Variants in ZNF521 observed in about 807,000 individuals in gnomAD.
ZNF521 encodes LYST-interacting protein 3.
Under a neutral mutation model 105.5 loss-of-function variants are expected in ZNF521, and 14 were observed. That is an observed-to-expected ratio of 0.13 (90% CI 0.09 to 0.21). The LOEUF is 0.21. Among genes scored for constraint, ZNF521 ranks in the 10% least tolerant of loss-of-function variants. The pLI, the probability that ZNF521 is intolerant of heterozygous loss-of-function variation, is 1.00. For synonymous variants in ZNF521, 635 were observed against 606.0 expected (o/e 1.05, Z -0.70); for missense variants, 1,233 against 1,629.7 (o/e 0.76, Z 4.19).
chr18:25,315,904 C>G (rs1400140047), intron 3 of ZNF521: 25 of 152,182 alleles, frequency 1.6e-4, no homozygotes, highest in Admixed American at 1.6e-3. Flanking sequence ...CAGAACTACC[C>G]TGAGTAACCC....
At chr18:25,082,068 A>G (rs747953066) in intron 7 of ZNF521, among the ~76,000 whole-genome samples, 1 of 152,218 alleles carries the variant, frequency 6.6e-6, no homozygotes, top group Non-Finnish European at 1.5e-5. Flanking sequence ...CGATCAAATA[A>G]AAGAGATAGA....
intron 3 of ZNF521, among the ~76,000 whole-genome samples, chr18:25,262,164 A>G (rs1257988815): frequency 6.6e-6 from 1 of 152,104 alleles, no homozygotes; most frequent in East Asian, 1.9e-4. Flanking sequence ...CACTCATACC[A>G]TGGGAGTCTT....
rs965166188 is a variant in ZNF521 at position 25,351,941 on chromosome 18, G to A, written c.-2+64C>T. The stretch of plus-strand genomic sequence containing the variant: ...GGCGGCGAGAGCAGGAGGAGGAGGA[G>A]GAGGAGAGCCGGGAGCAGGAGGAGG... On this transcript the variant is annotated intron_variant, in intron 1 of 7. Coordinates refer to ENST00000361524, the MANE Select transcript of ZNF521 (RefSeq NM_015461.3). 11 of 311,762 alleles carry A rather than the reference G, an allele frequency of 3.5e-5. No homozygotes were observed. The East Asian group carries it at 1.4e-3, about 40-fold the overall frequency. The allele number at this position is 311,762 out of a possible 1,614,324, so 19.3% of individuals were successfully genotyped here.
intron 5 of ZNF521, among the ~76,000 whole-genome samples, chr18:25,116,958 T>C (rs968308246): frequency 5.6e-5 from 6 of 108,098 alleles, no homozygotes; most frequent in Non-Finnish European, 9.1e-5. Flanking sequence ...TATATATGTA[T>C]ATATGTATAT....
In ZNF521 at chr18:25,207,396, C is replaced by A. The variant is rs141465759; in HGVS notation, c.3574-12152G>T. ...ATGCTTGCAACTCATCGGGGCTCCT[C>A]GGGGCACAGGACTCCAGGACCGACT... On this transcript the variant is annotated intron_variant, in intron 4 of 7. Transcript: ENST00000361524. Among the ~76,000 whole-genome samples, 156 of 152,256 alleles carry A rather than the reference C, an allele frequency of 1.0e-3. 1 individual carries two copies. Among genetic ancestry groups the A allele is most frequent in the African/African-American group, 3.7e-3 (152 of 41,558 alleles).
intron 5 of ZNF521, among the ~76,000 whole-genome samples, chr18:25,138,155 T>G (rs140531945): frequency 6.6e-6 from 1 of 152,190 alleles, no homozygotes; most frequent in Non-Finnish European, 1.5e-5. Context: ...CATACTCTGG[T>G]CCAGTTCCAG....
At position 25,225,458 on chromosome 18, in the gene ZNF521, C is replaced by T. The variant is rs199692978; in HGVS notation, c.2460G>A (p.Ala820=). 1.4e-4 allele frequency: 225 copies of T among 1,614,050 alleles called. No individual in the cohort carries two copies. Among genetic ancestry groups the T allele is most frequent in the Non-Finnish European group, 1.7e-4 (204 of 1,180,038 alleles). ...NCKFCSKAFH[A]IILLEKHLRE... Reference sequence around the variant, plus strand: ...GCAAGTGTTTTTCTAACAAAATGATCGCATGGAAGGCTTTGCTACAGAACT... The same window carrying T: ...GCAAGTGTTTTTCTAACAAAATGATTGCATGGAAGGCTTTGCTACAGAACT... The change falls in exon 4 of 8, where the codon GCG becomes GCA. Residue 820 remains alanine, a synonymous_variant. Transcript: ENST00000361524. This position sits in a 1 kb window ranked among gnomAD's most constrained non-coding sequence, Gnocchi z 5.6.
chr18:25,117,435 T>C (rs1438375602), intron 5 of ZNF521, among the ~76,000 whole-genome samples: 1 of 152,148 alleles, frequency 6.6e-6, no homozygotes, highest in Non-Finnish European at 1.5e-5. Context: ...CAATGTGACC[T>C]ATTTTTAACA....
intron 5 of ZNF521, among the ~76,000 whole-genome samples, chr18:25,158,314 G>T (rs912430040): frequency 1.3e-5 from 2 of 151,794 alleles, no homozygotes; most frequent in Admixed American, 6.6e-5. Flanking sequence ...TTTTTAAAAG[G>T]CTGAAGAAAG....
At chr18:25,303,938 T>G (rs1358786007) in intron 3 of ZNF521, among the ~76,000 whole-genome samples, 2 of 152,220 alleles carry the variant, frequency 1.3e-5, no homozygotes, top group Non-Finnish European at 2.9e-5. Flanking sequence ...ATCTTCTCAT[T>G]TTATAATGAA....
At chr18:25,170,628 G>A (rs895216440) in intron 5 of ZNF521, among the ~76,000 whole-genome samples, 1 of 152,042 alleles carries the variant, frequency 6.6e-6, no homozygotes, top group Non-Finnish European at 1.5e-5. Flanking sequence ...ATGACACTTA[G>A]TTGATTAATG....
At chr18:25,079,671 G>T (rs1019411536) in intron 7 of ZNF521, among the ~76,000 whole-genome samples, 3 of 89,312 alleles carry the variant, frequency 3.4e-5, no homozygotes, top group African/African-American at 5.3e-5. Context: ...CACAGATGGT[G>T]GGGGGGACGC....
chr18:25,320,232 G>A (rs1409783111), intron 3 of ZNF521, among the ~76,000 whole-genome samples: 1 of 152,116 alleles, frequency 6.6e-6, no homozygotes, highest in Non-Finnish European at 1.5e-5. Flanking sequence ...GACTGCAATG[G>A]CGTGATCTCA....
At chr18:25,184,425 C>T (rs758314223) in intron 5 of ZNF521, among the ~76,000 whole-genome samples, 12 of 152,160 alleles carry the variant, frequency 7.9e-5, no homozygotes, top group Non-Finnish European at 1.3e-4. Context: ...CAATGATTAT[C>T]TGTCCTCCCA....
chr18:25,327,127 T>C (rs1913264309), intron 2 of ZNF521, among the ~76,000 whole-genome samples: 1 of 152,214 alleles, frequency 6.6e-6, no homozygotes, highest in African/African-American at 2.4e-5. Flanking sequence ...ACTACACTGC[T>C]AGTGAACTAG....
In ZNF521 at chr18:25,152,296, T is replaced by C. The variant is rs181310806; in HGVS notation, c.3658+42864A>G. Among the ~76,000 whole-genome samples, 5 of 152,006 alleles carry C rather than the reference T, an allele frequency of 3.3e-5. No homozygotes were observed. The East Asian group carries it at 7.8e-4, about 24-fold the overall frequency. The stretch of plus-strand genomic sequence containing the variant: ...GAGTTTGAGACCAGCCTGGCCAAAA[T>C]GGCAAAACCCCGTCTCTACTAAAAA... On this transcript the variant is annotated intron_variant, in intron 5 of 7. Coordinates refer to ENST00000361524, the MANE Select transcript of ZNF521 (RefSeq NM_015461.3).
At chr18:25,158,884 A>G (rs1046116914) in intron 5 of ZNF521, among the ~76,000 whole-genome samples, 1 of 152,014 alleles carries the variant, frequency 6.6e-6, no homozygotes, top group African/African-American at 2.4e-5. Flanking sequence ...TGAACCCAGA[A>G]GGTGGAGGTT....
intron 4 of ZNF521, among the ~76,000 whole-genome samples, chr18:25,220,106 C>G (rs192193986): frequency 6.6e-6 from 1 of 152,100 alleles, no homozygotes; most frequent in Admixed American, 6.5e-5. Context: ...GGAAACAAAC[C>G]TACAGGAAGG....
At chr18:25,212,914 A>G (rs896955473) in intron 4 of ZNF521, among the ~76,000 whole-genome samples, 1 of 151,574 alleles carries the variant, frequency 6.6e-6, no homozygotes, top group African/African-American at 2.4e-5. Context: ...CAACTTTGCT[A>G]AAGTTTTATT....
Sources: allele counts gnomAD v4.1 joint callset (sites outside exome capture counted in the v4.1 genomes callset), GRCh38; gene constraint gnomAD v4.1.1; non-coding constraint Gnocchi (gnomAD v3.1); transcripts MANE v1.5; gene names NCBI Gene and HGNC (gene_info 2026-07-23, HGNC 2026-07-21).